Variants in SAMD4A observed in about 807,000 individuals in gnomAD.
SAMD4A encodes protein Smaug homolog 1.
In SAMD4A, 33 loss-of-function variants were observed where a neutral mutation model predicts 81.3. The ratio of observed to expected loss-of-function variants is 0.41; its 90% CI spans 0.31 to 0.54. SAMD4A has a LOEUF of 0.54. SAMD4A is among the 20% of genes least tolerant of loss of function. The pLI, the probability that SAMD4A is intolerant of heterozygous loss-of-function variation, is 0.37. For missense variants in SAMD4A, 854 were observed against 951.1 expected (o/e 0.90, Z 1.34); for synonymous variants, 389 against 382.1 (o/e 1.02, Z -0.21).
chr14:54,778,896 G>C (rs576382589), intron 11 of SAMD4A, among the ~76,000 whole-genome samples: 12 of 152,186 alleles, frequency 7.9e-5, no homozygotes, highest in Non-Finnish European at 1.6e-4. Context: ...GAAGGAGGCT[G>C]CAGAAGGCCC....
At chr14:54,758,503 A>T (rs2038304753) in intron 6 of SAMD4A, among the ~76,000 whole-genome samples, 1 of 152,240 alleles carries the variant, frequency 6.6e-6, no homozygotes, top group African/African-American at 2.4e-5. Flanking sequence ...CAGGCTTTTT[A>T]AAATGTCCTT....
chr14:54,578,673 C>T (rs1274677620), intron 2 of SAMD4A, among the ~76,000 whole-genome samples: 3 of 152,056 alleles, frequency 2.0e-5, no homozygotes, highest in Non-Finnish European at 2.9e-5. Flanking sequence ...GATCGCACCA[C>T]TGCACTCCAG....
intron 2 of SAMD4A, among the ~76,000 whole-genome samples, chr14:54,604,052 T>C (rs1223533735): frequency 1.3e-5 from 2 of 152,176 alleles, no homozygotes; most frequent in Admixed American, 6.5e-5. Context: ...CTTGAGCTCT[T>C]GACCTCATGA....
intron 2 of SAMD4A, among the ~76,000 whole-genome samples, chr14:54,607,549 G>A (rs2034243372): frequency 6.6e-6 from 1 of 151,138 alleles, no homozygotes; most frequent in Non-Finnish European, 1.5e-5. Context: ...TCCGCCTCCT[G>A]GGTTCATGCC....
intron 2 of SAMD4A, among the ~76,000 whole-genome samples, chr14:54,655,150 A>G (rs917357619): frequency 1.3e-5 from 2 of 152,202 alleles, no homozygotes; most frequent in East Asian, 1.9e-4. Flanking sequence ...AGGCTACCCC[A>G]TAAACAAAAA....
At chr14:54,582,244 CTGT>C (rs1029868770) in intron 2 of SAMD4A, among the ~76,000 whole-genome samples, 1 of 150,464 alleles carries the variant, frequency 6.6e-6, no homozygotes, top group Non-Finnish European at 1.5e-5. Flanking sequence ...ATTGCTGCTG[CTGT>C]TTTTTTTTTA....
At chr14:54,640,644 G>A (rs760206620) in intron 2 of SAMD4A, among the ~76,000 whole-genome samples, 8 of 152,124 alleles carry the variant, frequency 5.3e-5, no homozygotes, top group South Asian at 2.1e-4. Context: ...CGGGAATGGC[G>A]CTGAATGCTC....
intron 2 of SAMD4A, chr14:54,700,986 A>G (rs1404128645): frequency 6.7e-6 from 1 of 149,312 alleles, no homozygotes. Context: ...CCACTGTGAA[A>G]CGGTGAATTT....
At chr14:54,654,188 G>A (rs1260708037) in intron 2 of SAMD4A, among the ~76,000 whole-genome samples, 1 of 152,158 alleles carries the variant, frequency 6.6e-6, no homozygotes, top group Non-Finnish European at 1.5e-5. Context: ...GCTCTTTCCT[G>A]TCTAACTGGA....
chr14:54,702,075 A>G lies in SAMD4A; in HGVS notation c.210A>G (p.Gln70=), dbSNP rs1209528694. ...TTCCCTTTTCAGGAATCATTAACCA[A>G]TGGCAACAGGAATCCAAGGATAAAG... is the stretch of plus-strand genomic sequence containing the variant. ...REANSPGIIN[Q]WQQESKDKVI... is the part of the protein sequence containing the mutation. Residue 70 remains glutamine (Q), a synonymous_variant, in exon 3 of 13, where the codon CAA becomes CAG. Coordinates refer to ENST00000554335, the MANE Select transcript of SAMD4A (RefSeq NM_015589.6). 1.9e-6 allele frequency: 3 copies of G among 1,613,852 alleles called. No individual in the cohort carries two copies. Among genetic ancestry groups the G allele is most frequent in the East Asian group, 4.5e-5 (2 of 44,894 alleles).
chr14:54,788,973 C>T lies in SAMD4A; in HGVS notation c.*29C>T. 6.2e-7 allele frequency: 1 copy of T among 1,613,256 alleles called. No individual in the cohort carries two copies. Among genetic ancestry groups the T allele is most frequent in the South Asian group, 1.1e-5 (1 of 91,062 alleles). On this transcript the variant is annotated 3_prime_UTR_variant, in exon 13 of 13. Transcript: ENST00000554335. Reference sequence around the variant, plus strand: ...CTGAAGACGAGAGTGACCGCGCTGGCCGTGAAATCGACTGCTGCGGGTCCA... The same window carrying T: ...CTGAAGACGAGAGTGACCGCGCTGGTCGTGAAATCGACTGCTGCGGGTCCA...
Position 54,751,478 on chromosome 14 carries a change from A to C in SAMD4A, c.1117A>C (p.Ile373Leu). ...QNVTKGARHK[I>L]VISIQKLKER... ...TGTTACCAAAGGTGCAAGACACAAA[A>C]TTGTCATCAGTATTCAGAAGCTCAA... Residue 373 changes from isoleucine to leucine, a missense_variant, in exon 6 of 13, where the codon ATT (isoleucine) becomes CTT (leucine). Transcript: ENST00000554335. 1 of 1,606,088 alleles carries C rather than the reference A, an allele frequency of 6.2e-7. No homozygotes were observed. Among genetic ancestry groups the C allele is most frequent in the Non-Finnish European group, 8.5e-7 (1 of 1,174,330 alleles).
At chr14:54,720,885 C>G (rs1203021544) in intron 3 of SAMD4A, among the ~76,000 whole-genome samples, 1 of 152,110 alleles carries the variant, frequency 6.6e-6, no homozygotes, top group Admixed American at 6.6e-5. Context: ...GCCATGTTTT[C>G]CCTTGCTATG....
At chr14:54,631,910 G>A (rs2034912829) in intron 2 of SAMD4A, among the ~76,000 whole-genome samples, 1 of 152,184 alleles carries the variant, frequency 6.6e-6, no homozygotes, top group South Asian at 2.1e-4. Context: ...AGTTCCTACA[G>A]TTTTACTCTC....
At chr14:54,644,090 T>G (rs1161646461) in intron 2 of SAMD4A, among the ~76,000 whole-genome samples, 1 of 152,210 alleles carries the variant, frequency 6.6e-6, no homozygotes, top group East Asian at 1.9e-4. Context: ...GACTACCGGC[T>G]GTGATTCAGG....
chr14:54,659,938 G>A (rs1016612042), intron 2 of SAMD4A, among the ~76,000 whole-genome samples: 29 of 152,278 alleles, frequency 1.9e-4, no homozygotes, highest in African/African-American at 6.5e-4. Context: ...TTGATTAGCC[G>A]AGCATGGTGG....
chr14:54,593,063 C>T (rs1043360429), intron 2 of SAMD4A, among the ~76,000 whole-genome samples: 1 of 152,172 alleles, frequency 6.6e-6, no homozygotes, highest in African/African-American at 2.4e-5. Flanking sequence ...TAATAAACCC[C>T]TAAATACCCA....
intron 2 of SAMD4A, among the ~76,000 whole-genome samples, chr14:54,657,489 C>G (rs1455109463): frequency 2.6e-5 from 4 of 152,160 alleles, no homozygotes; most frequent in Admixed American, 2.6e-4. Context: ...TCAGAGGGTT[C>G]TCCCACCAGA....
chr14:54,763,614 A>C (rs1307748733), intron 7 of SAMD4A, among the ~76,000 whole-genome samples: 1 of 152,216 alleles, frequency 6.6e-6, no homozygotes, highest in Non-Finnish European at 1.5e-5. Context: ...GGTTAGGGAC[A>C]GGGAGGAATC....
Sources: allele counts gnomAD v4.1 joint callset (sites outside exome capture counted in the v4.1 genomes callset), GRCh38; gene constraint gnomAD v4.1.1; transcripts MANE v1.5; gene names NCBI Gene and HGNC (gene_info 2026-07-23, HGNC 2026-07-21).